CDS1: variants seen among roughly 807,000 people sequenced by gnomAD.
CDS1 encodes phosphatidate cytidylyltransferase 1.
A neutral mutation model predicts 62.1 loss-of-function variants in CDS1; 41 were observed. The ratio of observed to expected loss-of-function variants is 0.66; its 90% CI spans 0.51 to 0.86. The LOEUF is 0.86. Ranked by LOEUF, CDS1 falls within the 40% of genes least tolerant of loss-of-function variation. CDS1 has a pLI of 0.00. For missense variants in CDS1, 470 were observed against 550.1 expected (o/e 0.85, Z 1.46); for synonymous variants, 185 against 192.6 (o/e 0.96, Z 0.32).
At chr4:84,604,887 G>T (rs1190864621) in intron 2 of CDS1, among the ~76,000 whole-genome samples, 1 of 151,944 alleles carries the variant, frequency 6.6e-6, no homozygotes, top group Non-Finnish European at 1.5e-5. Context: ...CAAAGTGCTG[G>T]GATTACAGGC....
At chr4:84,593,350 G>T (rs962033166) in intron 1 of CDS1, among the ~76,000 whole-genome samples, 3 of 152,080 alleles carry the variant, frequency 2.0e-5, no homozygotes, top group African/African-American at 7.2e-5. Flanking sequence ...GTCTTGATAG[G>T]TTTACAACAT....
intron 9 of CDS1, among the ~76,000 whole-genome samples, chr4:84,640,405 C>T (rs1033980466): frequency 6.6e-6 from 1 of 151,690 alleles, no homozygotes; most frequent in Non-Finnish European, 1.5e-5. Flanking sequence ...ATGGTGTGGC[C>T]AGGGAAAGAA....
intron 1 of CDS1, among the ~76,000 whole-genome samples, chr4:84,594,599 C>T (rs1481604833): frequency 6.6e-6 from 1 of 152,084 alleles, no homozygotes; most frequent in Non-Finnish European, 1.5e-5. Flanking sequence ...GTAATATGTC[C>T]TGAGTCTCAA....
intron 1 of CDS1, among the ~76,000 whole-genome samples, chr4:84,585,328 C>T (rs1386283977): frequency 5.3e-5 from 8 of 152,266 alleles, no homozygotes; most frequent in Non-Finnish European, 1.0e-4. Context: ...ATTTCTTAGA[C>T]AAGGATGAAC....
At position 84,648,799 on chromosome 4, in the gene CDS1, G is replaced by T; in HGVS notation, c.*113G>T. 9.9e-7 allele frequency: 1 copy of T among 1,012,182 alleles called. No individual in the cohort carries two copies. 62.7% of individuals were successfully genotyped at this position (1,012,182 alleles called of 1,614,324 possible). A position where few individuals can be genotyped will look rare whatever the true frequency, so the allele number is the denominator to read the frequency against. On this transcript the variant is annotated 3_prime_UTR_variant, in exon 13 of 13. Transcript: ENST00000295887. ...AAAAATGCAATAGGTTGAAGTTTTG[G>T]AGATATGTTTCTCTCTGAAATTACT...
At chr4:84,601,233 G>C (rs1265649316) in intron 1 of CDS1, among the ~76,000 whole-genome samples, 1 of 151,042 alleles carries the variant, frequency 6.6e-6, no homozygotes, top group Non-Finnish European at 1.5e-5. Context: ...GACAGACTTG[G>C]TGCCGACTGA....
chr4:84,598,091 A>C (rs1722809318), intron 1 of CDS1, among the ~76,000 whole-genome samples: 3 of 150,274 alleles, frequency 2.0e-5, no homozygotes, highest in Admixed American at 6.7e-5. Flanking sequence ...GTGCCACTGC[A>C]CTCCAGCCTG....
At chr4:84,619,674 ATTTC>A (rs1352916219) in intron 5 of CDS1, 141 bp downstream of exon 5, 6 of 511,608 alleles carry the variant, frequency 1.2e-5, no homozygotes, top group Non-Finnish European at 1.6e-5. Flanking sequence ...GTATAAAGCT[ATTTC>A]TTTCATCATG....
chr4:84,642,541 T>A (rs373410295), intron 10 of CDS1, among the ~76,000 whole-genome samples: 25 of 152,310 alleles, frequency 1.6e-4, no homozygotes, highest in African/African-American at 6.0e-4. Context: ...TTGATAATAA[T>A]CTTTAAGCAA....
chr4:84,631,679 ATAG>A (rs1162122297), intron 5 of CDS1, 137 bp from the exon 6 acceptor site: 1 of 680,626 alleles, frequency 1.5e-6, no homozygotes, highest in Non-Finnish European at 2.7e-6. Context: ...TTAATGTAAG[ATAG>A]TAGGAGAGAT....
chr4:84,621,219 A>T (rs1398238439), intron 5 of CDS1, among the ~76,000 whole-genome samples: 1 of 152,152 alleles, frequency 6.6e-6, no homozygotes, highest in African/African-American at 2.4e-5. Context: ...GTGAGTTTTC[A>T]CCTTAGCTGT....
Position 84,583,543 on chromosome 4 carries a change from C to T in CDS1, c.117+25C>T, listed in dbSNP as rs1290540504. The T allele has an allele frequency of 3.6e-6, 5 of 1,387,098 alleles. No individual in the cohort carries two copies. The South Asian group carries it at 5.4e-5, about 15-fold the overall frequency. The allele number at this position is 1,387,098 out of a possible 1,614,324, so 85.9% of individuals were successfully genotyped here. On this transcript the variant is annotated intron_variant, in intron 1 of 12. Transcript: ENST00000295887. Reference sequence around the variant, plus strand: ...AGTAAGTGGAGCCGAGAGAGGCGGACGCCGCGCCCTGGCTGGGTCCTGGTT... The same window carrying T: ...AGTAAGTGGAGCCGAGAGAGGCGGATGCCGCGCCCTGGCTGGGTCCTGGTT...
chr4:84,599,440 A>ATATATATG (rs1560466348), intron 1 of CDS1, among the ~76,000 whole-genome samples: 3 of 113,080 alleles, frequency 2.7e-5, no homozygotes, highest in Admixed American at 9.8e-5. Flanking sequence ...ATATATATAT[A>ATATATATG]TATATATATA....
At chr4:84,642,777 A>G (rs1346016457) in intron 10 of CDS1, among the ~76,000 whole-genome samples, 1 of 152,190 alleles carries the variant, frequency 6.6e-6, no homozygotes, top group East Asian at 1.9e-4. Flanking sequence ...CCACGCTGCA[A>G]GATTTCAGTG....
chr4:84,625,089 G>C (rs1019226164), intron 5 of CDS1, among the ~76,000 whole-genome samples: 1 of 152,152 alleles, frequency 6.6e-6, no homozygotes, highest in Middle Eastern at 3.2e-3. Context: ...TCTAACTCCT[G>C]AGATCAAGTG....
intron 9 of CDS1, among the ~76,000 whole-genome samples, chr4:84,640,434 C>A (rs1013424872): frequency 1.8e-4 from 28 of 151,824 alleles, no homozygotes; most frequent in Non-Finnish European, 3.1e-4. Flanking sequence ...TCAAAGTTTT[C>A]TGGGTTGGCT....
At chr4:84,614,495 C>T (rs765823306) in intron 3 of CDS1, among the ~76,000 whole-genome samples, 5 of 151,970 alleles carry the variant, frequency 3.3e-5, no homozygotes, top group African/African-American at 4.8e-5. Flanking sequence ...CATATTAGAA[C>T]ATAAATATGC....
At chr4:84,590,585 T>A (rs1446009096) in intron 1 of CDS1, among the ~76,000 whole-genome samples, 1 of 152,238 alleles carries the variant, frequency 6.6e-6, no homozygotes, top group African/African-American at 2.4e-5. Context: ...GCTGTCATCC[T>A]AAGGAAGAAG....
intron 1 of CDS1, among the ~76,000 whole-genome samples, chr4:84,599,405 CATATATATATATATATATATAT>C (rs59313355): frequency 4.0e-5 from 1 of 24,708 alleles, no homozygotes; most frequent in African/African-American, 1.3e-4. Context: ...CACACACACA[CATATATATATATATATATATAT>C]ATATATATAT....
Sources: gnomAD v4.1 joint callset for allele counts (sites outside exome capture counted in the v4.1 genomes callset) on GRCh38, gnomAD v4.1.1 for gene constraint, MANE v1.5 for transcripts, NCBI Gene and HGNC (gene_info 2026-07-23, HGNC 2026-07-21) for gene names.